Variants in ANKH observed in about 807,000 individuals in gnomAD.
The protein encoded by ANKH is ANKH inorganic pyrophosphate transport regulator.
ANKH carries 15 observed loss-of-function variants against 49.0 expected under a neutral mutation model. The ratio of observed to expected loss-of-function variants is 0.31; its 90% confidence interval spans 0.20 to 0.47. The LOEUF (loss-of-function observed/expected upper bound fraction) is 0.47. ANKH is among the 20% of genes least tolerant of loss of function. ANKH has a pLI of 1.00. For synonymous variants in ANKH, 273 were observed against 260.0 expected (o/e 1.05, Z -0.48); for missense variants, 429 against 652.0 (o/e 0.66, Z 3.72).
At chr5:14,796,048 G>C (rs1291628471) in intron 1 of ANKH, among the ~76,000 whole-genome samples, 1 of 151,968 alleles carries the variant, frequency 6.6e-6, no homozygotes, top group Non-Finnish European at 1.5e-5. Flanking sequence ...CTAGATCTTA[G>C]CTGAAAAAAT....
In ANKH at chr5:14,712,600, A is replaced by T. The variant is rs25987; in HGVS notation, c.1365+274T>A. Among the ~76,000 whole-genome samples the T allele has an allele frequency of 0.94, 143,896 of 152,358 alleles. 68,088 individuals carry two copies. Among genetic ancestry groups the T allele is most frequent in the African/African-American group, 0.99 (41,006 of 41,596 alleles). On this transcript the variant is annotated intron_variant, in intron 11 of 11. Coordinates refer to ENST00000284268, the MANE Select transcript of ANKH (RefSeq NM_054027.6). ...CCATAGGCTGAATTTCGCCCCATCT[A>T]CGCTGGCTTTCTGAAATCCATGTCC...
rs774487999 is a variant in ANKH at position 14,712,890 on chromosome 5, T to C, written c.1349A>G (p.Tyr450Cys). 1.9e-6 allele frequency: 3 copies of C among 1,611,442 alleles called. No individual in the cohort carries two copies. Among genetic ancestry groups the C allele is most frequent in the Non-Finnish European group, 2.5e-6 (3 of 1,179,166 alleles). Residue 450 changes from tyrosine to cysteine, a missense_variant, in exon 11 of 12, where the codon TAT (tyrosine) becomes TGT (cysteine). Tyr to Cys is a radical substitution (Grantham distance 194). Coordinates refer to ENST00000284268, the MANE Select transcript of ANKH (RefSeq NM_054027.6). ...CTGTCTCACCTGCTTCCGGTAGACA[T>C]AGCACGCAGCGATGGCGACCATGGT... The part of the protein sequence containing the change: ...ESTMVAIAAC[Y>C]VYRKQKKKME...
chr5:14,860,971 T>TG (rs1208115046), intron 1 of ANKH, among the ~76,000 whole-genome samples: 1 of 152,082 alleles, frequency 6.6e-6, no homozygotes, highest in African/African-American at 2.4e-5. Context: ...TTAGTGGAGA[T>TG]GGAGTTTCAC....
intron 5 of ANKH, among the ~76,000 whole-genome samples, chr5:14,749,548 T>C (rs781490906): frequency 1.1e-4 from 16 of 152,232 alleles, no homozygotes; most frequent in Non-Finnish European, 1.8e-4. Context: ...CACTGAAGTT[T>C]AATGGATCCC....
chr5:14,757,430 A>ATATATATATATATTTTTTTT (rs1379233165), intron 3 of ANKH, among the ~76,000 whole-genome samples: 1 of 113,818 alleles, frequency 8.8e-6, no homozygotes, highest in African/African-American at 3.3e-5. Context: ...ATATATATAT[A>ATATATATATATATTTTTTTT]TTTTTTTTTT....
At chr5:14,828,681 G>A (rs1158274152) in intron 1 of ANKH, among the ~76,000 whole-genome samples, 1 of 151,884 alleles carries the variant, frequency 6.6e-6, no homozygotes, top group African/African-American at 2.4e-5. Context: ...CTCACCACAT[G>A]GAAAATTTAC....
chr5:14,744,047 CAAG>C (rs149532013), intron 7 of ANKH, among the ~76,000 whole-genome samples: 2,664 of 152,292 alleles, frequency 0.017, 87 homozygotes, highest in African/African-American at 0.061. Context: ...TGAAATTTAG[CAAG>C]AAGACATACA....
intron 2 of ANKH, 189 bp downstream of exon 2, chr5:14,768,786 C>G (rs1739330077): frequency 4.6e-6 from 3 of 647,690 alleles, no homozygotes; most frequent in Admixed American, 2.7e-5. Flanking sequence ...AACTACAGCT[C>G]CCCAGAAAAA....
At chr5:14,762,328 C>T (rs1039388552) in intron 2 of ANKH, among the ~76,000 whole-genome samples, 15 of 152,218 alleles carry the variant, frequency 9.9e-5, no homozygotes, top group Admixed American at 2.6e-4. Flanking sequence ...CATCCATTCT[C>T]CTGGGGATGA....
chr5:14,838,869 T>C (rs1294848027), intron 1 of ANKH, among the ~76,000 whole-genome samples: 1 of 152,078 alleles, frequency 6.6e-6, no homozygotes, highest in Non-Finnish European at 1.5e-5. Flanking sequence ...GCCAAGTCCC[T>C]CCCAGCCCCT....
rs1737029406 is a variant in ANKH, at chr5:14,708,557, T to C, written c.*2640A>G. 1 of 152,240 alleles carries C rather than the reference T, an allele frequency of 6.6e-6. No homozygotes were observed. The highest frequency in any genetic ancestry group is 2.4e-5 in the African/African-American group (1 of 41,452). 9.4% of individuals were successfully genotyped at this position (152,240 alleles called of 1,614,324 possible). A position where few individuals can be genotyped will look rare whatever the true frequency, so the allele number is the denominator to read the frequency against. On this transcript the variant is annotated 3_prime_UTR_variant, in exon 12 of 12. Transcript: ENST00000284268. ...TCACCCTCCCTGGTTTGATCTCTCA[T>C]GTCTAGCTGGATGATGGGACTCGAT...
At chr5:14,796,986 G>A in intron 1 of ANKH, 1 of 1,105,376 alleles carries the variant, frequency 9.0e-7, no homozygotes, top group South Asian at 1.8e-5. Flanking sequence ...CCCACTGTTT[G>A]GGCTAATAGC....
intron 4 of ANKH, among the ~76,000 whole-genome samples, chr5:14,753,311 C>G (rs559949323): frequency 4.6e-5 from 7 of 152,272 alleles, no homozygotes; most frequent in African/African-American, 1.7e-4. Flanking sequence ...TGAGATTGTG[C>G]ATTTACAGTT....
In ANKH at chr5:14,716,808, T is replaced by C. The variant is rs772273950; in HGVS notation, c.1039A>G (p.Asn347Asp). The change falls in exon 9 of 12, where the codon AAC becomes GAC. Residue 347 changes from asparagine (N) to aspartate (D), a missense_variant. Asn to Asp is a conservative substitution (Grantham distance 23, BLOSUM62 1). Transcript: ENST00000284268. ...TLCFVMFWTP[N>D]VSEKILIDII... is the part of the protein sequence containing the mutation. ...TCTATCAAGATTTTCTCAGACACGT[T>C]GGGTGTCCAAAACATCACGAAACAG... 3.1e-6 allele frequency: 5 copies of C among 1,614,120 alleles called. 1 individual carries two copies. Among genetic ancestry groups the C allele is most frequent in the Middle Eastern group, 3.3e-4 (2 of 6,062 alleles).
chr5:14,723,945 A>G (rs1416034212), intron 8 of ANKH, among the ~76,000 whole-genome samples: 1 of 152,230 alleles, frequency 6.6e-6, no homozygotes, highest in Non-Finnish European at 1.5e-5. Context: ...TACAGTTTCC[A>G]GTCAGCATGT....
intron 1 of ANKH, among the ~76,000 whole-genome samples, chr5:14,819,898 T>TACACACACACACAC (rs1188887631): frequency 5.7e-5 from 5 of 87,134 alleles, no homozygotes; most frequent in African/African-American, 2.4e-4. Context: ...ACAACAAAAA[T>TACACACACACACAC]ATACACACAC....
At chr5:14,792,599 C>A (rs920876293) in intron 1 of ANKH, among the ~76,000 whole-genome samples, 1 of 152,080 alleles carries the variant, frequency 6.6e-6, no homozygotes, top group African/African-American at 2.4e-5. Context: ...GGGTTTCTAG[C>A]TGAGGAGGCA....
intron 1 of ANKH, among the ~76,000 whole-genome samples, chr5:14,817,258 C>T (rs923028138): frequency 6.6e-6 from 1 of 151,928 alleles, no homozygotes; most frequent in Admixed American, 6.6e-5. Flanking sequence ...TCTGACCACG[C>T]GTGAGGCTCG....
rs1255840817 is a variant in ANKH at position 14,817,785 on chromosome 5, AG to A, written c.97-48595del. 2.6e-5 allele frequency among the ~76,000 whole-genome samples: 4 copies of A among 152,358 alleles called. No individual in the cohort carries two copies. In the East Asian group the frequency reaches 5.8e-4, roughly 22 times the overall value. On this transcript the variant is annotated intron_variant, in intron 1 of 11. Transcript: ENST00000284268. ...CCCCCTCTTTCACTGTAAAGAATAA[AG>A]GGTTCACTATAAGAGAGGGTTAACA...
Sources: allele counts gnomAD v4.1 joint callset (sites outside exome capture counted in the v4.1 genomes callset), GRCh38; gene constraint gnomAD v4.1.1; transcripts MANE v1.5; gene names NCBI Gene and HGNC (gene_info 2026-07-23, HGNC 2026-07-21).